Variants in ECM2 observed in about 807,000 individuals in gnomAD.
The protein encoded by ECM2 is extracellular matrix protein 2.
ECM2 carries 57 observed loss-of-function variants against 67.5 expected under a neutral mutation model. The ratio of observed to expected loss-of-function variants is 0.84; its 90% confidence interval spans 0.68 to 1.05. ECM2 has a LOEUF of 1.05. Ranked by LOEUF, ECM2 falls within the 50% of genes least tolerant of loss-of-function variation. The pLI, the probability that ECM2 is intolerant of heterozygous loss-of-function variation, is 0.00. For missense variants in ECM2, 741 were observed against 822.8 expected (o/e 0.90, Z 1.22); for synonymous variants, 258 against 294.5 (o/e 0.88, Z 1.27).
At chr9:92,548,043 C>T in the ECM2 span, among the ~76,000 whole-genome samples, 36 of 152,314 alleles carry the variant, frequency 2.4e-4, 1 homozygote, top group East Asian at 6.4e-3. Flanking sequence ...AAAGAATTTT[C>T]AGATAAATTA....
chr9:92,515,943 A>G (rs1248373644), intron 3 of ECM2, among the ~76,000 whole-genome samples: 2 of 152,158 alleles, frequency 1.3e-5, no homozygotes, highest in Non-Finnish European at 2.9e-5. Flanking sequence ...TAGACAGTTA[A>G]TCTACATTTA....
At chr9:92,549,085 C>T in the ECM2 span, among the ~76,000 whole-genome samples, 1 of 152,140 alleles carries the variant, frequency 6.6e-6, no homozygotes, top group African/African-American at 2.4e-5. Context: ...AAATACTCAT[C>T]ACATGTAGCT....
chr9:92,547,271 C>G, the ECM2 span, among the ~76,000 whole-genome samples: 27 of 152,130 alleles, frequency 1.8e-4, no homozygotes, highest in Non-Finnish European at 1.5e-5. Flanking sequence ...AGATTATCTA[C>G]AAGAAAACAA....
At chr9:92,503,716 C>T (rs1846824085) in intron 7 of ECM2, among the ~76,000 whole-genome samples, 1 of 152,080 alleles carries the variant, frequency 6.6e-6, no homozygotes, top group South Asian at 2.1e-4. Context: ...TGAGAATTTC[C>T]CTCTTTGTTA....
intron 2 of ECM2, 92 bp from the exon 3 acceptor site, chr9:92,517,967 T>G: frequency 9.8e-6 from 14 of 1,423,178 alleles, no homozygotes; most frequent in Non-Finnish European, 1.4e-5. Flanking sequence ...CAAACTGCTC[T>G]AACCACACAA....
chr9:92,553,594 T>C, the ECM2 span, among the ~76,000 whole-genome samples: 1 of 152,180 alleles, frequency 6.6e-6, no homozygotes, highest in African/African-American at 2.4e-5. Context: ...AGCAGTGTTT[T>C]GTAGTTTTCC....
At position 92,500,892 on chromosome 9, in the gene ECM2, G is replaced by T; in HGVS notation, c.1766C>A (p.Ser589Ter). Residue 589 changes from serine to a stop codon, truncating the protein, a stop_gained, in exon 9 of 10, where the codon TCA becomes TAA. Coordinates refer to ENST00000344604, the MANE Select transcript of ECM2 (RefSeq NM_001393.4). LOFTEE classifies it high-confidence loss of function. ...GCCATCATCAGCAAGTTTGTTAAAT[G>T]ACAGGTACAAGTATTCCAGGCCTGG... ...MEPGLEYLYL[S>*]FNKLADDGMD... 1 of 1,614,162 alleles carries T rather than the reference G, an allele frequency of 6.2e-7. No individual in the cohort carries two copies. Among genetic ancestry groups the T allele is most frequent in the African/African-American group, 1.3e-5 (1 of 75,030 alleles).
At chr9:92,502,770 T>A in intron 7 of ECM2, 118 bp from the exon 8 acceptor site, 3 of 837,962 alleles carry the variant, frequency 3.6e-6, no homozygotes, top group Non-Finnish European at 5.1e-6. Flanking sequence ...AGAGTCTTAC[T>A]GCTCTTTCAA....
the ECM2 span, among the ~76,000 whole-genome samples, chr9:92,548,524 T>G: frequency 6.6e-6 from 1 of 152,328 alleles, no homozygotes; most frequent in East Asian, 1.9e-4. Flanking sequence ...GTACATCAAC[T>G]ATCAGATTGG....
At chr9:92,544,712 ATT>A in the ECM2 span, among the ~76,000 whole-genome samples, 510 of 132,402 alleles carry the variant, frequency 3.9e-3, 2 homozygotes, top group South Asian at 0.01. Context: ...ATCACTATAA[ATT>A]TTTTTTTTTT....
At chr9:92,508,109 A>G (rs921867416) in intron 6 of ECM2, among the ~76,000 whole-genome samples, 6 of 152,052 alleles carry the variant, frequency 3.9e-5, no homozygotes, top group East Asian at 1.9e-4. Context: ...CTGCTTCCAC[A>G]CAGAAGCAGG....
Position 92,496,291 on chromosome 9 carries a change from T to C in ECM2, c.*24A>G. ...ACTACAAATACATGAGTAAAGTTTATAAACAGCAAAGGAAAACTTGGAATT... is the reference window on the plus strand; with the variant it reads ...ACTACAAATACATGAGTAAAGTTTACAAACAGCAAAGGAAAACTTGGAATT... On this transcript the variant is annotated 3_prime_UTR_variant, in exon 10 of 10. Transcript: ENST00000344604. The C allele has an allele frequency of 1.3e-6, 2 of 1,561,026 alleles. No homozygotes were observed. The highest frequency in any genetic ancestry group is 1.7e-6 in the Non-Finnish European group (2 of 1,162,014).
chr9:92,529,151 C>T (rs149784154), intron 1 of ECM2, among the ~76,000 whole-genome samples: 2 of 152,272 alleles, frequency 1.3e-5, no homozygotes, highest in African/African-American at 4.8e-5. Flanking sequence ...TTTTCAAAAA[C>T]TGCAAAAAGA....
chr9:92,542,720 C>T, the ECM2 span, among the ~76,000 whole-genome samples: 1 of 152,152 alleles, frequency 6.6e-6, no homozygotes, highest in African/African-American at 2.4e-5. Flanking sequence ...TTTCAGCATG[C>T]TGGCCAGGAT....
chr9:92,556,626 T>C, the ECM2 span, among the ~76,000 whole-genome samples: 6 of 152,234 alleles, frequency 3.9e-5, no homozygotes, highest in Non-Finnish European at 8.8e-5. Flanking sequence ...CTTTAAAGTT[T>C]GTTTTGTCTG....
chr9:92,518,746 G>A (rs564104452), intron 2 of ECM2, among the ~76,000 whole-genome samples: 89 of 152,144 alleles, frequency 5.8e-4, no homozygotes, highest in African/African-American at 2.1e-3. Context: ...AAAATTAGCC[G>A]AGTATGGTGG....
At chr9:92,544,668 G>A in the ECM2 span, among the ~76,000 whole-genome samples, 2 of 151,278 alleles carry the variant, frequency 1.3e-5, no homozygotes, top group African/African-American at 4.9e-5. Flanking sequence ...GGGAGAAAGC[G>A]TGGCTCACCA....
the ECM2 span, among the ~76,000 whole-genome samples, chr9:92,549,869 G>A: frequency 1.4e-4 from 21 of 152,118 alleles, no homozygotes; most frequent in African/African-American, 4.8e-4. Context: ...CAGGAGCCAG[G>A]CTTAGTAATA....
At chr9:92,533,328 A>AAAAAAAAAATATATATAT (rs1554683138) in intron 1 of ECM2, among the ~76,000 whole-genome samples, 3 of 38,336 alleles carry the variant, frequency 7.8e-5, no homozygotes, top group Non-Finnish European at 1.3e-4. Context: ...AAAAAAAAAA[A>AAAAAAAAAATATATATAT]ATATATATAT....
Sources: gnomAD v4.1 joint callset for allele counts (sites outside exome capture counted in the v4.1 genomes callset) on GRCh38, gnomAD v4.1.1 for gene constraint, MANE v1.5 for transcripts, NCBI Gene and HGNC (gene_info 2026-07-23, HGNC 2026-07-21) for gene names.